PCDHA6: variants seen among roughly 807,000 people sequenced by gnomAD.
The protein encoded by PCDHA6 is protocadherin alpha 6, also known as protocadherin alpha-6.
A neutral mutation model predicts 60.3 loss-of-function variants in PCDHA6; 55 were observed. The observed-to-expected ratio is 0.91, with a 90% CI of 0.73 to 1.14. PCDHA6 has a LOEUF of 1.14. PCDHA6 is among the 50% of genes most tolerant of loss of function. The pLI is 0.00. For synonymous variants in PCDHA6, 652 were observed against 557.9 expected (o/e 1.17, Z -2.38); for missense variants, 1,327 against 1,256.5 (o/e 1.06, Z -0.85).
rs2150177437 is a variant in PCDHA6 at position 140,829,902 on chromosome 5, AC to A, written c.1812del (p.Asn604LysfsTer48). 3 of 1,613,830 alleles carry A rather than the reference AC, an allele frequency of 1.9e-6. No homozygotes were observed. The African/African-American group carries it at 4.0e-5, about 22-fold the overall frequency. The part of the protein sequence containing the change: ...VRAVDADSGY[N>X]AWLSYELQPP... Reference sequence around the variant, plus strand: ...GCAGTTGACGCCGACTCAGGCTACAACGCGTGGCTTTCGTATGAGCTGCAGC... The same window carrying A: ...GCAGTTGACGCCGACTCAGGCTACAAGCGTGGCTTTCGTATGAGCTGCAGC... On this transcript the variant is annotated frameshift_variant, in exon 1 of 4. Coordinates refer to ENST00000529310, the MANE Select transcript of PCDHA6 (RefSeq NM_018909.4). LOFTEE classifies it high-confidence loss of function.
At chr5:140,878,002 C>T in intron 1 of PCDHA6, 1 of 1,005,678 alleles carries the variant, frequency 9.9e-7, no homozygotes. Flanking sequence ...ATGTATTTGT[C>T]TAACATTAAT....
chr5:140,886,827 G>GAAAAAAAAA, intron 1 of PCDHA6, among the ~76,000 whole-genome samples: 1 of 60,890 alleles, frequency 1.6e-5, no homozygotes, highest in Non-Finnish European at 3.3e-5. Flanking sequence ...ACTTCGTCTT[G>GAAAAAAAAA]AAAAAAAAAA....
At chr5:140,901,405 G>A (rs1366026091) in intron 1 of PCDHA6, among the ~76,000 whole-genome samples, 1 of 152,128 alleles carries the variant, frequency 6.6e-6, no homozygotes, top group Non-Finnish European at 1.5e-5. Flanking sequence ...TGAGAGATAG[G>A]GGTCTAGTTT....
At chr5:140,870,761 T>C (rs1456957620) in intron 1 of PCDHA6, 1 of 1,613,524 alleles carries the variant, frequency 6.2e-7, no homozygotes, top group Non-Finnish European at 8.5e-7. Flanking sequence ...CTGCAGGTGT[T>C]CGTGCTGGAC....
At chr5:140,835,948 C>T (rs2150248824) in intron 1 of PCDHA6, 2 of 1,612,794 alleles carry the variant, frequency 1.2e-6, no homozygotes, top group East Asian at 2.2e-5. Context: ...GCGCTGCAGC[C>T]GTTGGACCAC....
chr5:140,847,992 C>A lies in PCDHA6; in HGVS notation c.2394+17507C>A, dbSNP rs189573491. On this transcript the variant is annotated intron_variant, in intron 1 of 3. Transcript: ENST00000529310. ...CGAGCCATATGGGAGATTCTGAATTCCAGAACAAAAGAATTTTGTAATTTA... is the reference window on the plus strand; with the variant it reads ...CGAGCCATATGGGAGATTCTGAATTACAGAACAAAAGAATTTTGTAATTTA... 9.0e-4 allele frequency: 141 copies of A among 156,078 alleles called. 10 individuals are homozygous for A. The highest frequency in any genetic ancestry group is 1.5e-3 in the Non-Finnish European group (104 of 70,316). The allele number at this position is 156,078 out of a possible 1,614,324, so 9.7% of individuals were successfully genotyped here.
At chr5:140,884,296 ACAGG>A in intron 1 of PCDHA6, 1 of 1,613,674 alleles carries the variant, frequency 6.2e-7, no homozygotes, top group Non-Finnish European at 8.5e-7. Flanking sequence ...GCCAAGCGCC[ACAGG>A]CTTCGTCGAG....
rs1272799738 is a variant in PCDHA6 at position 140,969,033 on chromosome 5, T to C, written c.2395-9916T>C. On this transcript the variant is annotated intron_variant, in intron 1 of 3. Coordinates refer to ENST00000529310, the MANE Select transcript of PCDHA6 (RefSeq NM_018909.4). ...GTAAGGGAAAGGTCCCCTGCAGAAC[T>C]GTACAAACAAGCCAACAACAATATT... 5 of 1,614,028 alleles carry C rather than the reference T, an allele frequency of 3.1e-6. No individual in the cohort carries two copies. Among genetic ancestry groups the C allele is most frequent in the Admixed American group, 3.3e-5 (2 of 60,006 alleles).
chr5:140,833,596 T>C (rs1772537859), intron 1 of PCDHA6, among the ~76,000 whole-genome samples: 2 of 152,316 alleles, frequency 1.3e-5, no homozygotes, highest in South Asian at 4.1e-4. Context: ...TATATATAGA[T>C]TCTGCTAAAG....
intron 1 of PCDHA6, among the ~76,000 whole-genome samples, chr5:140,855,081 C>T (rs868991206): frequency 6.7e-6 from 1 of 149,844 alleles, no homozygotes; most frequent in Non-Finnish European, 1.5e-5. Context: ...GAAACCACCA[C>T]TCTCAGCCTG....
rs782697989 is a variant in PCDHA6, at chr5:140,858,434, A to G, written c.2394+27949A>G. On this transcript the variant is annotated intron_variant, in intron 1 of 3. Coordinates refer to ENST00000529310, the MANE Select transcript of PCDHA6 (RefSeq NM_018909.4). ...GTCTATTGGAGGGGACCACTCTAGGAAGGTGGGTTATTACGTTTTCATTTT... is the reference window on the plus strand; with the variant it reads ...GTCTATTGGAGGGGACCACTCTAGGGAGGTGGGTTATTACGTTTTCATTTT... 3 of 1,543,272 alleles carry G rather than the reference A, an allele frequency of 1.9e-6. No homozygotes were observed. The Admixed American group carries it at 5.9e-5, about 30-fold the overall frequency.
In PCDHA6 at chr5:140,829,825, C is replaced by G. The variant is rs2150175451; in HGVS notation, c.1734C>G (p.Ser578Arg). 1.2e-5 allele frequency: 19 copies of G among 1,613,864 alleles called. 1 individual carries two copies. In the South Asian group the frequency reaches 2.0e-4, roughly 17 times the overall value. ...PRVGGTGGAV[S>R]ELVPRSLGAG... ...TGGGTGGTACTGGTGGTGCAGTGAG[C>G]GAGCTGGTGCCGCGGTCACTGGGTG... Residue 578 changes from serine (S) to arginine (R), a missense_variant, in exon 1 of 4, where the codon AGC (serine) becomes AGG (arginine). Ser to Arg is a moderately radical substitution (Grantham distance 110, BLOSUM62 -1). Transcript: ENST00000529310.
At chr5:140,944,846 G>A (rs269554) in intron 1 of PCDHA6, among the ~76,000 whole-genome samples, 33,882 of 151,952 alleles carry the variant, frequency 0.22, 4,860 homozygotes, top group African/African-American at 0.41. Context: ...TGAGATATTA[G>A]AATCATCCTT....
chr5:140,870,793 C>T, intron 1 of PCDHA6: 2 of 1,613,678 alleles, frequency 1.2e-6, no homozygotes, highest in Non-Finnish European at 1.7e-6. Context: ...CGCGCCGGCA[C>T]TGCTGGCGAC....
chr5:140,982,267 A>T, intron 2 of PCDHA6: 4 of 883,458 alleles, frequency 4.5e-6, no homozygotes, highest in Non-Finnish European at 6.5e-6. Context: ...GTGTTCCTGG[A>T]ATAGTATAGC....
intron 1 of PCDHA6, among the ~76,000 whole-genome samples, chr5:140,939,871 T>G (rs2092481346): frequency 6.6e-6 from 1 of 152,230 alleles, no homozygotes; most frequent in Non-Finnish European, 1.5e-5. Context: ...TAGGTCATCT[T>G]TGCTAGTTGT....
chr5:140,886,847 AG>A lies in PCDHA6; in HGVS notation c.2394+56363del, dbSNP rs1299329603. ...GTCTTGAAAAAAAAAAAAAAAAAAA[AG>A]AAAGGTCTTCCCAACTCCTATATTG... On this transcript the variant is annotated intron_variant, in intron 1 of 3. Transcript: ENST00000529310. Among the ~76,000 whole-genome samples the A allele has an allele frequency of 2.2e-3, 339 of 151,134 alleles. 4 individuals are homozygous for A. Among genetic ancestry groups the A allele is most frequent in the African/African-American group, 7.8e-3 (323 of 41,170 alleles).
At chr5:140,976,369 G>A (rs1464114589) in intron 1 of PCDHA6, among the ~76,000 whole-genome samples, 1 of 151,996 alleles carries the variant, frequency 6.6e-6, no homozygotes, top group Non-Finnish European at 1.5e-5. Flanking sequence ...TGGCCAACAT[G>A]GTGAAACCCC....
chr5:140,957,792 T>C (rs148659760), intron 1 of PCDHA6, among the ~76,000 whole-genome samples: 1 of 152,230 alleles, frequency 6.6e-6, no homozygotes, highest in East Asian at 1.9e-4. Flanking sequence ...TCATCATATA[T>C]GTTAAGTAAA....
Sources: allele counts gnomAD v4.1 joint callset (sites outside exome capture counted in the v4.1 genomes callset), GRCh38; gene constraint gnomAD v4.1.1; transcripts MANE v1.5; gene names NCBI Gene and HGNC (gene_info 2026-07-23, HGNC 2026-07-21).